WWOX: variants seen among roughly 807,000 people sequenced by gnomAD.
WWOX encodes WW domain containing oxidoreductase.
Under a neutral mutation model 46.2 loss-of-function variants are expected in WWOX, and 69 were observed. The ratio of observed to expected loss-of-function variants is 1.49; its 90% CI spans 1.23 to 1.82. The LOEUF (loss-of-function observed/expected upper bound fraction) is 1.82, where lower values mean the gene tolerates loss of function less well. Ranked by LOEUF, WWOX falls within the 40% of genes most tolerant of loss-of-function variation. The pLI is 0.00. For synonymous variants in WWOX, 359 were observed against 202.6 expected, an observed-to-expected ratio of 1.77 and a Z score of -6.56; for missense variants, 919 against 542.6, an observed-to-expected ratio of 1.69 and a Z score of -6.89.
chr16:78,548,640 A>G (rs1392234472), intron 8 of WWOX, among the ~76,000 whole-genome samples: 2 of 152,212 alleles, frequency 1.3e-5, no homozygotes, highest in African/African-American at 4.8e-5. Context: ...TTTGCCTTTC[A>G]TGCAGTATTG....
intron 8 of WWOX, among the ~76,000 whole-genome samples, chr16:78,995,569 A>G (rs943564939): frequency 1.3e-5 from 2 of 152,154 alleles, no homozygotes; most frequent in East Asian, 3.9e-4. Context: ...CTTTATAAAA[A>G]AAAAAGAAAA....
intron 8 of WWOX, among the ~76,000 whole-genome samples, chr16:78,997,975 C>G (rs1249560406): frequency 6.6e-6 from 1 of 152,112 alleles, no homozygotes; most frequent in Non-Finnish European, 1.5e-5. Context: ...CTCCTGGGTT[C>G]AAGCGATTCT....
chr16:78,862,083 C>G (rs923923473), intron 8 of WWOX, among the ~76,000 whole-genome samples: 3 of 152,014 alleles, frequency 2.0e-5, no homozygotes, highest in South Asian at 4.2e-4. Context: ...TCTATACACA[C>G]CTACGGGTGT....
intron 8 of WWOX, among the ~76,000 whole-genome samples, chr16:79,032,099 A>G (rs2047773612): frequency 6.9e-6 from 1 of 144,950 alleles, no homozygotes; most frequent in Admixed American, 7.1e-5. Flanking sequence ...TATTATGTAT[A>G]GATAATTTAT....
intron 1 of WWOX, among the ~76,000 whole-genome samples, chr16:78,106,339 T>C (rs756700933): frequency 6.6e-6 from 1 of 151,874 alleles, no homozygotes; most frequent in Non-Finnish European, 1.5e-5. Context: ...AAGCAGGAGT[T>C]GGTATACCAA....
At chr16:78,767,208 C>G (rs762418214) in intron 8 of WWOX, among the ~76,000 whole-genome samples, 1 of 152,014 alleles carries the variant, frequency 6.6e-6, no homozygotes, top group Non-Finnish European at 1.5e-5. Flanking sequence ...GCAGCCTTGA[C>G]TTCCTGGGCT....
chr16:78,947,561 T>C (rs1178105193), intron 8 of WWOX, among the ~76,000 whole-genome samples: 2 of 152,182 alleles, frequency 1.3e-5, no homozygotes, highest in Non-Finnish European at 2.9e-5. Context: ...GAGCTGTCTG[T>C]TACAGATTTT....
At chr16:78,649,515 G>T (rs1110520) in intron 8 of WWOX, among the ~76,000 whole-genome samples, 1 of 151,930 alleles carries the variant, frequency 6.6e-6, no homozygotes, top group East Asian at 1.9e-4. Context: ...GGCCTCAAGC[G>T]ATCCTCCTGC....
chr16:78,285,157 G>C (rs940192329), intron 5 of WWOX, among the ~76,000 whole-genome samples: 1 of 152,156 alleles, frequency 6.6e-6, no homozygotes, highest in African/African-American at 2.4e-5. Flanking sequence ...ATTGAGGCCA[G>C]GCAAGGTGGC....
chr16:78,781,297 A>G (rs1054818806), intron 8 of WWOX, among the ~76,000 whole-genome samples: 1 of 152,090 alleles, frequency 6.6e-6, no homozygotes, highest in African/African-American at 2.4e-5. Flanking sequence ...CTGCACCTCA[A>G]TTTCTAAAAA....
chr16:79,048,337 C>T (rs2048104521), intron 8 of WWOX, among the ~76,000 whole-genome samples: 1 of 152,096 alleles, frequency 6.6e-6, no homozygotes, highest in African/African-American at 2.4e-5. Context: ...GCCCCACACA[C>T]ATGCCGGTGC....
At chr16:78,986,965 G>C (rs1450388365) in intron 8 of WWOX, among the ~76,000 whole-genome samples, 1 of 152,030 alleles carries the variant, frequency 6.6e-6, no homozygotes, top group African/African-American at 2.4e-5. Context: ...CCAAGAGCAT[G>C]GTCAGGAGGT....
chr16:78,126,624 A>G (rs769555324), intron 4 of WWOX, among the ~76,000 whole-genome samples: 8 of 152,194 alleles, frequency 5.3e-5, no homozygotes, highest in Non-Finnish European at 1.0e-4. Flanking sequence ...TACTTTAAGT[A>G]CCTGTTCAAT....
At chr16:78,396,362 A>G (rs147847083) in intron 6 of WWOX, among the ~76,000 whole-genome samples, 5 of 152,328 alleles carry the variant, frequency 3.3e-5, no homozygotes, top group Middle Eastern at 6.8e-3. Flanking sequence ...GCCAAGACAT[A>G]AATGAAAATG....
Position 78,289,162 on chromosome 16 carries a change from G to A in WWOX, c.517-97698G>A, listed in dbSNP as rs2079819766. ...TAAAACTTTACTTGGTGCTGGCAGC[G>A]TCACTATGCCAGTCTGTTTCTTCCC... On this transcript the variant is annotated intron_variant, in intron 5 of 8. Transcript: ENST00000566780. Among the ~76,000 whole-genome samples the A allele has an allele frequency of 3.3e-5, 5 of 152,260 alleles. No homozygotes were observed. In the South Asian group the frequency reaches 8.3e-4, roughly 25 times the overall value.
intron 5 of WWOX, among the ~76,000 whole-genome samples, chr16:78,180,242 C>T (rs762874515): frequency 1.3e-5 from 2 of 152,222 alleles, no homozygotes; most frequent in Middle Eastern, 3.4e-3. Flanking sequence ...CAGTGGGAGC[C>T]GACTGTGATG....
At chr16:79,011,669 A>AT (rs1036614482) in intron 8 of WWOX, among the ~76,000 whole-genome samples, 2 of 150,604 alleles carry the variant, frequency 1.3e-5, no homozygotes, top group African/African-American at 4.9e-5. Flanking sequence ...TTTTTTTTGC[A>AT]TTTTTTAGAG....
intron 8 of WWOX, among the ~76,000 whole-genome samples, chr16:78,580,966 T>G (rs1458924824): frequency 6.6e-6 from 1 of 152,116 alleles, no homozygotes; most frequent in African/African-American, 2.4e-5. Context: ...TCGCAAAGAG[T>G]AATCTATTGA....
At position 78,427,420 on chromosome 16, in the gene WWOX, C is replaced by T. The variant is rs991448563; in HGVS notation, c.791+2365C>T. 2.6e-5 allele frequency among the ~76,000 whole-genome samples: 4 copies of T among 152,014 alleles called. No individual in the cohort carries two copies. In the South Asian group the frequency reaches 8.3e-4, roughly 32 times the overall value. On this transcript the variant is annotated intron_variant, in intron 7 of 8. Transcript: ENST00000566780. ...TTTGCTGTGAAAAAATTTCAGATAA[C>T]AATTAAAGTAGAATGAAAAGAGCAG...
Sources: allele counts gnomAD v4.1 joint callset (sites outside exome capture counted in the v4.1 genomes callset), GRCh38; gene constraint gnomAD v4.1.1; transcripts MANE v1.5; gene names NCBI Gene and HGNC (gene_info 2026-07-23, HGNC 2026-07-21).